The following PCDH11X variants were observed in gnomAD, a reference collection of about 807,000 sequenced individuals.
PCDH11X encodes protocadherin-11 X-linked.
PCDH11X carries 18 observed loss-of-function variants against 53.3 expected under a neutral mutation model. That is an observed-to-expected ratio of 0.34 (90% confidence interval 0.23 to 0.50). PCDH11X has a LOEUF of 0.50. Ranked by LOEUF, PCDH11X falls within the 20% of genes least tolerant of loss-of-function variation. The probability of loss-of-function intolerance (pLI) is 0.98; values close to 1 mark genes in which losing one functional copy is unlikely to be tolerated. For missense variants in PCDH11X, 570 were observed against 1,032.4 expected (o/e 0.55, Z 6.14); for synonymous variants, 279 against 393.3 (o/e 0.71, Z 3.44).
intron 8 of PCDH11X, among the ~76,000 whole-genome samples, chrX:92,321,606 G>C (rs190147551): frequency 8.9e-6 from 1 of 111,931 alleles, no homozygotes; most frequent in Admixed American, 9.5e-5. Context: ...AAGTTTAAGA[G>C]TCTTAATTAA....
intron 9 of PCDH11X, among the ~76,000 whole-genome samples, chrX:92,416,741 A>C (rs995625758): frequency 2.8e-5 from 3 of 109,037 alleles, no homozygotes; most frequent in Non-Finnish European, 3.8e-5. Context: ...CAATTATTAT[A>C]TGCCCATAAA....
chrX:91,809,353 A>T (rs1334119186), intron 1 of PCDH11X, among the ~76,000 whole-genome samples, 113 bp from the exon 2 acceptor site: 1 of 110,722 alleles, frequency 9.0e-6, no homozygotes, highest in Non-Finnish European at 1.9e-5. Flanking sequence ...CGGTACTATC[A>T]TATCACTTTG....
chrX:91,977,015 G>T (rs1293013128), intron 6 of PCDH11X, among the ~76,000 whole-genome samples: 1 of 109,465 alleles, frequency 9.1e-6, no homozygotes, highest in Non-Finnish European at 1.9e-5. Flanking sequence ...TCCAGAAATT[G>T]TTCAACCCTT....
chrX:92,197,594 A>G lies in PCDH11X; in HGVS notation c.3034-3781A>G, dbSNP rs752648561. Among the ~76,000 whole-genome samples the G allele has an allele frequency of 7.2e-5, 8 of 111,873 alleles. 1 individual carries two copies. The South Asian group carries it at 3.0e-3, about 41-fold the overall frequency. ...TAATCACTAGAAGCATCCCCCACAT[A>G]CTTACATGTCTTTAGGCATATATCA... On this transcript the variant is annotated intron_variant, in intron 6 of 10. Coordinates refer to ENST00000682573, the MANE Select transcript of PCDH11X (RefSeq NM_032968.5).
intron 6 of PCDH11X, among the ~76,000 whole-genome samples, chrX:91,976,233 T>C (rs1244084301): frequency 9.0e-5 from 10 of 111,716 alleles, no homozygotes; most frequent in African/African-American, 3.2e-4. Flanking sequence ...TTATGATTTT[T>C]GCTTGGCTCC....
chrX:92,243,566 T>G (rs1401642299), intron 7 of PCDH11X, among the ~76,000 whole-genome samples: 2 of 111,220 alleles, frequency 1.8e-5, no homozygotes, highest in Non-Finnish European at 3.8e-5. Flanking sequence ...TTTTTCAGAA[T>G]TGTTTTAATT....
Position 91,820,915 on chromosome X carries a change from T to C in PCDH11X, c.-45+9620T>C, listed in dbSNP as rs1321138739. On this transcript the variant is annotated intron_variant, in intron 4 of 10. Coordinates refer to ENST00000682573, the MANE Select transcript of PCDH11X (RefSeq NM_032968.5). ...TGGCTAGCCAGTTTTCCCAGCACCA[T>C]TTATTAGATAGGGAATCCTTTCCCC... 1.7e-4 allele frequency among the ~76,000 whole-genome samples: 18 copies of C among 108,013 alleles called. No individual in the cohort carries two copies. The East Asian group carries it at 4.5e-3, about 27-fold the overall frequency. The allele number at this position is 108,013 out of a possible 115,157, so 93.8% of individuals were successfully genotyped here.
intron 4 of PCDH11X, among the ~76,000 whole-genome samples, chrX:91,824,340 A>G (rs1353605427): frequency 7.3e-5 from 8 of 110,209 alleles, no homozygotes; most frequent in East Asian, 2.8e-4. Context: ...GTCTTTTCAC[A>G]TAGTCCCATA....
intron 9 of PCDH11X, among the ~76,000 whole-genome samples, chrX:92,420,709 C>A (rs898014879): frequency 2.7e-5 from 3 of 111,294 alleles, no homozygotes; most frequent in African/African-American, 9.8e-5. Context: ...AATTATTTTT[C>A]TCTAGCTACT....
chrX:91,990,144 T>C (rs958764490), intron 6 of PCDH11X, among the ~76,000 whole-genome samples: 9 of 111,268 alleles, frequency 8.1e-5, no homozygotes, highest in Non-Finnish European at 1.7e-4. Context: ...TATTCGAGTT[T>C]CCATTTGATT....
chrX:91,813,054 A>G (rs912632539), intron 4 of PCDH11X, among the ~76,000 whole-genome samples: 3 of 111,372 alleles, frequency 2.7e-5, no homozygotes, highest in African/African-American at 6.5e-5. Context: ...TAGAGGGGAG[A>G]TACAAAAAAT....
chrX:92,207,119 A>G (rs895882724), intron 7 of PCDH11X, among the ~76,000 whole-genome samples: 1 of 111,779 alleles, frequency 8.9e-6, no homozygotes, highest in Admixed American at 9.6e-5. Context: ...CAACTTCAGA[A>G]GTTAAATCAA....
chrX:92,486,914 TGTTA>T (rs956284714), intron 10 of PCDH11X, among the ~76,000 whole-genome samples: 10 of 107,575 alleles, frequency 9.3e-5, no homozygotes, highest in African/African-American at 3.0e-4. Flanking sequence ...TATAATACTT[TGTTA>T]AATTTTAAAT....
At chrX:91,779,713 G>A (rs1427201363) in intron 1 of PCDH11X, 29 bp downstream of exon 1, 1 of 99,272 alleles carries the variant, frequency 1.0e-5, no homozygotes, top group African/African-American at 3.7e-5. Context: ...TACCTGTACA[G>A]GGTGCTGTCA....
At chrX:91,896,419 G>T (rs2189406) in intron 6 of PCDH11X, among the ~76,000 whole-genome samples, 22,031 of 108,509 alleles carry the variant, frequency 0.2, 1,937 homozygotes, top group East Asian at 0.3. Flanking sequence ...CCACCGCACC[G>T]CACCTGGCCT....
intron 9 of PCDH11X, chrX:92,460,312 G>A (rs896107420): frequency 7.5e-6 from 6 of 800,654 alleles, no homozygotes; most frequent in Non-Finnish European, 1.1e-5. Context: ...GAAGAACCAC[G>A]AAGAGGAAGT....
intron 8 of PCDH11X, among the ~76,000 whole-genome samples, chrX:92,380,768 TAAG>T (rs1453353141): frequency 1.8e-5 from 2 of 110,525 alleles, no homozygotes; most frequent in African/African-American, 6.6e-5. Flanking sequence ...TAGAAATAAT[TAAG>T]AAGTATATTT....
At chrX:92,330,951 G>T (rs962707452) in intron 8 of PCDH11X, among the ~76,000 whole-genome samples, 1 of 99,180 alleles carries the variant, frequency 1.0e-5, no homozygotes, top group Non-Finnish European at 2.0e-5. Flanking sequence ...ACAAAGAGGC[G>T]CAAGGAAACT....
Position 92,495,977 on chromosome X carries a change from C to T in PCDH11X, c.3367+27655C>T, listed in dbSNP as rs1218462502. On this transcript the variant is annotated intron_variant, in intron 10 of 10. Coordinates refer to ENST00000682573, the MANE Select transcript of PCDH11X (RefSeq NM_032968.5). ...AGACAGAACCAAATCATATCAACCA[C>T]GATCAAAATACTGAACATATTTATT... 5.9e-5 allele frequency among the ~76,000 whole-genome samples: 6 copies of T among 101,799 alleles called. No homozygotes were observed. The East Asian group carries it at 1.2e-3, about 20-fold the overall frequency. 88.4% of individuals were successfully genotyped at this position (101,799 alleles called of 115,157 possible).
Sources: gnomAD v4.1 joint callset for allele counts (sites outside exome capture counted in the v4.1 genomes callset) on GRCh38, gnomAD v4.1.1 for gene constraint, MANE v1.5 for transcripts, NCBI Gene and HGNC (gene_info 2026-07-23, HGNC 2026-07-21) for gene names.